Variants in OGA observed in about 807,000 individuals in gnomAD.
OGA encodes protein O-GlcNAcase.
A neutral mutation model predicts 102.0 loss-of-function variants in OGA; 21 were observed. The ratio of observed to expected loss-of-function variants is 0.21; its 90% CI spans 0.15 to 0.30. The LOEUF (loss-of-function observed/expected upper bound fraction) is 0.30. Ranked by LOEUF, OGA falls within the 10% of genes least tolerant of loss-of-function variation. The pLI is 1.00. For synonymous variants in OGA, 408 were observed against 378.2 expected, an observed-to-expected ratio of 1.08 and a Z score of -0.91; for missense variants, 765 against 1,107.8, an observed-to-expected ratio of 0.69 and a Z score of 4.39.
intron 14 of OGA, chr10:101,787,782 T>G (rs1038541685): frequency 5.9e-6 from 2 of 341,112 alleles, no homozygotes; most frequent in Non-Finnish European, 1.1e-5. Flanking sequence ...CTCTCTCTCT[T>G]TCCCTATTTA....
chr10:101,800,463 G>A, intron 7 of OGA, 63 bp from the exon 8 acceptor site: 2 of 1,326,410 alleles, frequency 1.5e-6, no homozygotes, highest in South Asian at 1.3e-5. Flanking sequence ...TCTGACAAGT[G>A]AGAAGAATAA....
At chr10:101,811,241 T>C (rs982915422) in intron 3 of OGA, among the ~76,000 whole-genome samples, 3 of 150,918 alleles carry the variant, frequency 2.0e-5, no homozygotes, top group Admixed American at 1.3e-4. Context: ...ATACAAAAAT[T>C]AGCCAGGCGT....
At chr10:101,788,498 A>T (rs2065218617) in intron 14 of OGA, among the ~76,000 whole-genome samples, 1 of 149,778 alleles carries the variant, frequency 6.7e-6, no homozygotes, top group Non-Finnish European at 1.5e-5. Context: ...GAACTTTGGG[A>T]GGCCGAGACA....
Position 101,808,691 on chromosome 10 carries a change from C to A in OGA, c.481-790G>T, listed in dbSNP as rs531792723. Among the ~76,000 whole-genome samples the A allele has an allele frequency of 2.8e-4, 43 of 152,156 alleles. No homozygotes were observed. In the South Asian group the frequency reaches 8.7e-3, roughly 31 times the overall value. ...AACTAAAATAACAGAAAAATGGGGC[C>A]GGGCGCAGTGGCTCACACTTGTAAT... On this transcript the variant is annotated intron_variant, in intron 4 of 15. Coordinates refer to ENST00000361464, the MANE Select transcript of OGA (RefSeq NM_012215.5).
chr10:101,794,451 G>A (rs1293343428), intron 10 of OGA, among the ~76,000 whole-genome samples: 2 of 152,194 alleles, frequency 1.3e-5, no homozygotes, highest in African/African-American at 4.8e-5. Context: ...TAAGGGAAAA[G>A]GGCGGGGGAG....
At chr10:101,798,368 A>G (rs1236348172) in intron 9 of OGA, among the ~76,000 whole-genome samples, 1 of 151,708 alleles carries the variant, frequency 6.6e-6, no homozygotes, top group Admixed American at 6.6e-5. Context: ...AACTGAAGGT[A>G]CCAGATTTAG....
chr10:101,817,111 C>G (rs140996213), intron 1 of OGA, among the ~76,000 whole-genome samples: 53 of 152,322 alleles, frequency 3.5e-4, no homozygotes, highest in African/African-American at 1.2e-3. Context: ...TTTTCCCTCA[C>G]TACCAAAAAG....
chr10:101,788,827 T>G (rs2065223155), intron 14 of OGA, among the ~76,000 whole-genome samples: 1 of 152,136 alleles, frequency 6.6e-6, no homozygotes, highest in Non-Finnish European at 1.5e-5. Context: ...GTGAATAAAG[T>G]TTGGTGTCTG....
At chr10:101,809,723 A>AAC (rs2065527650) in intron 4 of OGA, among the ~76,000 whole-genome samples, 1 of 150,640 alleles carries the variant, frequency 6.6e-6, no homozygotes. Flanking sequence ...AAAAAAAAGA[A>AAC]AAAAAAAGCA....
intron 5 of OGA, among the ~76,000 whole-genome samples, chr10:101,806,608 ACAG>A (rs1407567919): frequency 6.6e-6 from 1 of 152,252 alleles, no homozygotes; most frequent in African/African-American, 2.4e-5. Context: ...TTTTCCTCCA[ACAG>A]TAGTACAGAT....
intron 7 of OGA, among the ~76,000 whole-genome samples, chr10:101,802,827 C>T (rs2065411700): frequency 6.6e-6 from 1 of 150,516 alleles, no homozygotes; most frequent in Non-Finnish European, 1.5e-5. Flanking sequence ...ATTAGTAAGC[C>T]AATGTCTAAA....
chr10:101,795,528 G>A (rs1381299898), intron 10 of OGA, among the ~76,000 whole-genome samples: 1 of 152,216 alleles, frequency 6.6e-6, no homozygotes. Flanking sequence ...GTAATCAAAA[G>A]TACTGCATAG....
intron 7 of OGA, among the ~76,000 whole-genome samples, chr10:101,802,856 C>T (rs370998906): frequency 2.3e-4 from 33 of 146,578 alleles, no homozygotes; most frequent in African/African-American, 8.3e-4. Context: ...GTATTCCATT[C>T]GGCCAGGCAG....
At chr10:101,787,046 T>C (rs1319259762) in intron 15 of OGA, among the ~76,000 whole-genome samples, 1 of 151,682 alleles carries the variant, frequency 6.6e-6, no homozygotes, top group Non-Finnish European at 1.5e-5. Flanking sequence ...CTTTTTTTTT[T>C]TTTTTTTTAA....
In OGA at chr10:101,810,316, TA is replaced by T. The variant is rs764122670; in HGVS notation, c.350-3del. The T allele has an allele frequency of 1.9e-6, 3 of 1,607,964 alleles. No homozygotes were observed. Among genetic ancestry groups the T allele is most frequent in the Non-Finnish European group, 2.5e-6 (3 of 1,177,538 alleles). ...CAGAGATGAGAGTCATAAGTTGCTC[TA>T]AAGAACAGAGTCTATGTTTTTAGAA... On this transcript the variant is annotated splice_polypyrimidine_tract_variant and splice_region_variant and intron_variant, in intron 3 of 15. Transcript: ENST00000361464.
intron 1 of OGA, among the ~76,000 whole-genome samples, chr10:101,816,841 A>G (rs2065633440): frequency 6.6e-6 from 1 of 152,196 alleles, no homozygotes; most frequent in African/African-American, 2.4e-5. Context: ...GATGTTCTCA[A>G]CGTCGAGAGC....
chr10:101,815,430 G>A (rs769385657), intron 1 of OGA, among the ~76,000 whole-genome samples: 1 of 152,054 alleles, frequency 6.6e-6, no homozygotes, highest in Non-Finnish European at 1.5e-5. Flanking sequence ...GATTACAGGA[G>A]CCCGCCACCA....
intron 7 of OGA, among the ~76,000 whole-genome samples, chr10:101,803,326 A>C (rs890625329): frequency 2.6e-5 from 4 of 152,032 alleles, no homozygotes; most frequent in African/African-American, 9.7e-5. Context: ...TCTAGTACTC[A>C]GACTTCAAAG....
At chr10:101,815,715 CTT>C (rs2065613206) in intron 1 of OGA, among the ~76,000 whole-genome samples, 1 of 151,788 alleles carries the variant, frequency 6.6e-6, no homozygotes, top group Non-Finnish European at 1.5e-5. Flanking sequence ...TAAAAAAAGA[CTT>C]TTCAAATGTC....
Sources: allele counts gnomAD v4.1 joint callset (sites outside exome capture counted in the v4.1 genomes callset), GRCh38; gene constraint gnomAD v4.1.1; transcripts MANE v1.5; gene names NCBI Gene and HGNC (gene_info 2026-07-23, HGNC 2026-07-21).